Variants in ZNF623 observed in about 807,000 individuals in gnomAD.
ZNF623 encodes the protein zinc finger protein 623.
ZNF623 carries 16 observed loss-of-function variants against 24.0 expected under a neutral mutation model. The ratio of observed to expected loss-of-function variants is 0.67; its 90% CI spans 0.45 to 1.01. ZNF623 has a LOEUF of 1.01. Ranked by LOEUF, ZNF623 falls within the 50% of genes least tolerant of loss-of-function variation. ZNF623 has a pLI of 0.00. For missense variants in ZNF623, 566 were observed against 606.5 expected, an observed-to-expected ratio of 0.93 and a Z score of 0.70; for synonymous variants, 224 against 219.8, an observed-to-expected ratio of 1.02 and a Z score of -0.17.
chr8:143,645,517 G>C (rs960485062), intron 1 of ZNF623, among the ~76,000 whole-genome samples: 1 of 152,096 alleles, frequency 6.6e-6, no homozygotes, highest in African/African-American at 2.4e-5. Context: ...AGCAGTCACT[G>C]TTCCTTTGGT....
intron 1 of ZNF623, chr8:143,649,603 A>G (rs1815247775): frequency 2.2e-6 from 1 of 457,076 alleles, no homozygotes; most frequent in Non-Finnish European, 3.9e-6. Context: ...GAGTTCAAGC[A>G]TATCCCCACC....
chr8:143,642,936 T>G (rs1452670059), intron 1 of ZNF623, among the ~76,000 whole-genome samples: 1 of 152,118 alleles, frequency 6.6e-6, no homozygotes, highest in Non-Finnish European at 1.5e-5. Flanking sequence ...ATTCAGACAC[T>G]CATCTGGTAC....
Position 143,651,721 on chromosome 8 carries a change from G to T in ZNF623, c.*238G>T. On this transcript the variant is annotated 3_prime_UTR_variant, in exon 2 of 2. Coordinates refer to ENST00000526926, the MANE Select transcript of ZNF623 (RefSeq NM_001261843.2). ...CTGACTCTGAGCTGGAACAGTAGGGGCAGGGAGAAGACAGGTCTCAAGAAA... is the reference window on the plus strand; with the variant it reads ...CTGACTCTGAGCTGGAACAGTAGGGTCAGGGAGAAGACAGGTCTCAAGAAA... The T allele has an allele frequency of 2.1e-6, 1 of 477,684 alleles. No individual in the cohort carries two copies. The highest frequency in any genetic ancestry group is 3.8e-6 in the Non-Finnish European group (1 of 264,678). The allele number at this position is 477,684 out of a possible 1,614,324, so 29.6% of individuals were successfully genotyped here. A position where few individuals can be genotyped will look rare whatever the true frequency, so the allele number is the denominator to read the frequency against.
At chr8:143,644,945 A>T (rs965659632) in intron 1 of ZNF623, among the ~76,000 whole-genome samples, 1 of 151,406 alleles carries the variant, frequency 6.6e-6, no homozygotes, top group African/African-American at 2.4e-5. Flanking sequence ...CCTAACCAAC[A>T]CGGAGAAACC....
In ZNF623 at chr8:143,653,456, C is replaced by T. The variant is rs773315562; in HGVS notation, c.*1973C>T. The stretch of plus-strand genomic sequence containing the variant: ...ATTCAATTTTCATATAGTAAAACGC[C>T]TATTTAAGTGTACAAGGTTTTGAAA... On this transcript the variant is annotated 3_prime_UTR_variant, in exon 2 of 2. Transcript: ENST00000526926. 4.8e-5 allele frequency: 8 copies of T among 167,038 alleles called. No individual in the cohort carries two copies. Among genetic ancestry groups the T allele is most frequent in the Non-Finnish European group, 1.2e-4 (8 of 68,114 alleles). 10.3% of individuals were successfully genotyped at this position (167,038 alleles called of 1,614,324 possible).
intron 1 of ZNF623, among the ~76,000 whole-genome samples, chr8:143,645,161 C>G (rs906456448): frequency 1.4e-5 from 2 of 144,636 alleles, no homozygotes; most frequent in African/African-American, 5.2e-5. Context: ...TACAAATGGT[C>G]GGCCGAGCGT....
Position 143,650,697 on chromosome 8 carries a change from C to G in ZNF623, c.705C>G (p.Ser235Arg), listed in dbSNP as rs755396349. ...AATGTGGGAAATCCTTCATAAGGAGCTCGAGCCTCATTCGCCATTATCAGA... is the reference window on the plus strand; with the variant it reads ...AATGTGGGAAATCCTTCATAAGGAGGTCGAGCCTCATTCGCCATTATCAGA... ...CNECGKSFIR[S>R]SSLIRHYQIH... The change falls in exon 2 of 2, where the codon AGC becomes AGG. Residue 235 changes from serine (S) to arginine (R), a missense_variant. Around this residue, in one of 3 missense-constraint regions of ZNF623, gnomAD observed 313 missense variants for 300.4 expected, o/e 1.04. Coordinates refer to ENST00000526926, the MANE Select transcript of ZNF623 (RefSeq NM_001261843.2). This position sits in a 1 kb window ranked among gnomAD's most constrained non-coding sequence, Gnocchi z 5.2. 6 of 1,613,186 alleles carry G rather than the reference C, an allele frequency of 3.7e-6. No individual in the cohort carries two copies. The highest frequency in any genetic ancestry group is 5.1e-6 in the Non-Finnish European group (6 of 1,179,814).
chr8:143,643,904 A>G (rs975997014), intron 1 of ZNF623, among the ~76,000 whole-genome samples: 18 of 152,206 alleles, frequency 1.2e-4, no homozygotes, highest in Non-Finnish European at 2.4e-4. Context: ...CACTCTAGCT[A>G]CAGACTTCTG....
At chr8:143,648,330 T>C (rs1815217851) in intron 1 of ZNF623, among the ~76,000 whole-genome samples, 1 of 152,122 alleles carries the variant, frequency 6.6e-6, no homozygotes, top group Non-Finnish European at 1.5e-5. Context: ...GGAGCGGGGC[T>C]GTGTCAGTGC....
At position 143,651,562 on chromosome 8, in the gene ZNF623, A is replaced by G. The variant is rs151208078; in HGVS notation, c.*79A>G. On this transcript the variant is annotated 3_prime_UTR_variant, in exon 2 of 2. Coordinates refer to ENST00000526926, the MANE Select transcript of ZNF623 (RefSeq NM_001261843.2). ...TTCATGTGGTTTCTAAGATTTGGAC[A>G]TGTCAGAATTTTGTGAGTCATGGAT... 4 of 1,494,328 alleles carry G rather than the reference A, an allele frequency of 2.7e-6. No homozygotes were observed. Among genetic ancestry groups the G allele is most frequent in the East Asian group, 2.3e-5 (1 of 44,116 alleles). The allele number at this position is 1,494,328 out of a possible 1,614,324, so 92.6% of individuals were successfully genotyped here. A position where few individuals can be genotyped will look rare whatever the true frequency, so the allele number is the denominator to read the frequency against.
chr8:143,651,261 T>C lies in ZNF623; in HGVS notation c.1269T>C (p.Tyr423=), dbSNP rs769112133. Residue 423 remains tyrosine, a synonymous_variant, in exon 2 of 2, where the codon TAT becomes TAC. Coordinates refer to ENST00000526926, the MANE Select transcript of ZNF623 (RefSeq NM_001261843.2). ...GAGAAAAGCCCTATGTGTGCAGTTA[T>C]TGTGGGAAAGGCTTTATTCAGAGGT... The part of the protein sequence containing the change: ...HTGEKPYVCS[Y]CGKGFIQRSN... The C allele has an allele frequency of 1.9e-6, 3 of 1,614,138 alleles. No homozygotes were observed. The highest frequency in any genetic ancestry group is 1.1e-5 in the South Asian group (1 of 91,082).
intron 1 of ZNF623, among the ~76,000 whole-genome samples, chr8:143,639,628 T>C (rs1049951296): frequency 1.3e-5 from 2 of 152,222 alleles, no homozygotes; most frequent in Non-Finnish European, 2.9e-5. Context: ...GTGCTGTGAT[T>C]ACAGGTGTGA....
In ZNF623 at chr8:143,649,951, G is replaced by T. The variant is rs1229226245; in HGVS notation, c.-42G>T. 3.1e-6 allele frequency: 5 copies of T among 1,614,010 alleles called. No individual in the cohort carries two copies. Among genetic ancestry groups the T allele is most frequent in the South Asian group, 1.1e-5 (1 of 91,086 alleles). On this transcript the variant is annotated 5_prime_UTR_variant, in exon 2 of 2. Transcript: ENST00000526926. ...GGTGACTGAAGCCTGGATTTCTGAGGATGAAAACTCACATAGGACGACGTC... is the reference window on the plus strand; with the variant it reads ...GGTGACTGAAGCCTGGATTTCTGAGTATGAAAACTCACATAGGACGACGTC...
Position 143,642,469 on chromosome 8 carries a change from C to T in ZNF623, c.-96+6324C>T, listed in dbSNP as rs139818585. Among the ~76,000 whole-genome samples, 17 of 152,302 alleles carry T rather than the reference C, an allele frequency of 1.1e-4. No individual in the cohort carries two copies. In the East Asian group the frequency reaches 3.3e-3, roughly 29 times the overall value. ...CATTTGTGTGTTCACTGGAGCAGCT[C>T]GTTTAATTTCCTTCTGGGGCTTTTC... On this transcript the variant is annotated intron_variant, in intron 1 of 1. Coordinates refer to ENST00000526926, the MANE Select transcript of ZNF623 (RefSeq NM_001261843.2).
At position 143,652,367 on chromosome 8, in the gene ZNF623, C is replaced by T. The variant is rs938779074; in HGVS notation, c.*884C>T. The T allele has an allele frequency of 7.2e-5, 12 of 167,180 alleles. No homozygotes were observed. The highest frequency in any genetic ancestry group is 1.2e-4 in the Non-Finnish European group (8 of 68,108). The allele number at this position is 167,180 out of a possible 1,614,324, so 10.4% of individuals were successfully genotyped here. A position where few individuals can be genotyped will look rare whatever the true frequency, so the allele number is the denominator to read the frequency against. On this transcript the variant is annotated 3_prime_UTR_variant, in exon 2 of 2. Coordinates refer to ENST00000526926, the MANE Select transcript of ZNF623 (RefSeq NM_001261843.2). ...GTCTAGCACAGGGCAATAAAAAATA[C>T]ACCCCTAAATCTATGTGTAATTGGC... is the stretch of plus-strand genomic sequence containing the variant.
rs1235471731 is a variant in ZNF623, at chr8:143,651,722, C to T, written c.*239C>T. The T allele has an allele frequency of 1.7e-5, 8 of 476,966 alleles. No individual in the cohort carries two copies. In the South Asian group the frequency reaches 3.9e-4, roughly 23 times the overall value. 29.5% of individuals were successfully genotyped at this position (476,966 alleles called of 1,614,324 possible). On this transcript the variant is annotated 3_prime_UTR_variant, in exon 2 of 2. Coordinates refer to ENST00000526926, the MANE Select transcript of ZNF623 (RefSeq NM_001261843.2). ...TGACTCTGAGCTGGAACAGTAGGGGCAGGGAGAAGACAGGTCTCAAGAAAA... is the reference window on the plus strand; with the variant it reads ...TGACTCTGAGCTGGAACAGTAGGGGTAGGGAGAAGACAGGTCTCAAGAAAA...
chr8:143,644,383 C>T (rs1435007369), intron 1 of ZNF623, among the ~76,000 whole-genome samples: 5 of 152,054 alleles, frequency 3.3e-5, no homozygotes, highest in East Asian at 1.9e-4. Context: ...TGGGCTGATC[C>T]CCCCTCCCTC....
At chr8:143,638,569 G>A (rs572392098) in intron 1 of ZNF623, among the ~76,000 whole-genome samples, 99 of 149,420 alleles carry the variant, frequency 6.6e-4, no homozygotes, top group Non-Finnish European at 1.2e-3. Flanking sequence ...AACCCCATCT[G>A]TACTAAAAAT....
chr8:143,647,158 T>G (rs375710999), intron 1 of ZNF623, among the ~76,000 whole-genome samples: 69 of 90,260 alleles, frequency 7.6e-4, no homozygotes, highest in African/African-American at 6.2e-3. Context: ...TTTTTTTTTT[T>G]TTTGTTTTGT....
Sources: allele counts gnomAD v4.1 joint callset (sites outside exome capture counted in the v4.1 genomes callset), GRCh38; gene constraint gnomAD v4.1.1; regional missense constraint gnomAD v4.1.1; non-coding constraint Gnocchi (gnomAD v3.1); transcripts MANE v1.5; gene names NCBI Gene and HGNC (gene_info 2026-07-23, HGNC 2026-07-21).